Variants in NEK1 observed in about 807,000 individuals in gnomAD.
NEK1 encodes serine/threonine-protein kinase Nek1.
A neutral mutation model predicts 182.1 loss-of-function variants in NEK1; 137 were observed. That is an observed-to-expected ratio of 0.75 (90% CI 0.65 to 0.87). NEK1 has a LOEUF of 0.87. Ranked by LOEUF, NEK1 falls within the 40% of genes least tolerant of loss-of-function variation. The probability of loss-of-function intolerance (pLI) is 0.00; values close to 1 mark genes in which losing one functional copy is unlikely to be tolerated. For missense variants in NEK1, 1,391 were observed against 1,494.4 expected, an observed-to-expected ratio of 0.93 and a Z score of 1.14; for synonymous variants, 513 against 492.2, an observed-to-expected ratio of 1.04 and a Z score of -0.56.
rs1386205666 is a variant in NEK1 at position 169,394,071 on chromosome 4, T to G, written c.*439A>C. ...TTTAATGTAGAACTGCTGGCCAGAA[T>G]GAAAACAAGTACTAGACAGAAAAAA... On this transcript the variant is annotated 3_prime_UTR_variant, in exon 36 of 36. Transcript: ENST00000507142. 6.5e-6 allele frequency: 1 copy of G among 154,976 alleles called. No individual in the cohort carries two copies. The highest frequency in any genetic ancestry group is 1.4e-5 in the Non-Finnish European group (1 of 69,944). 9.6% of individuals were successfully genotyped at this position (154,976 alleles called of 1,614,324 possible).
chr4:169,438,000 T>G (rs1738739320), intron 28 of NEK1, 83 bp downstream of exon 28: 1 of 1,049,080 alleles, frequency 9.5e-7, no homozygotes. Flanking sequence ...CATATACAAA[T>G]TTTGATAATC....
At chr4:169,576,243 G>A (rs1765673758) in intron 12 of NEK1, among the ~76,000 whole-genome samples, 1 of 152,176 alleles carries the variant, frequency 6.6e-6, no homozygotes, top group South Asian at 2.1e-4. Flanking sequence ...GGGATTACAG[G>A]CGTGAACCAC....
At chr4:169,562,727 A>G (rs1422712242) in intron 12 of NEK1, among the ~76,000 whole-genome samples, 1 of 152,182 alleles carries the variant, frequency 6.6e-6, no homozygotes, top group East Asian at 1.9e-4. Flanking sequence ...ACATACATGT[A>G]ATATTAATGT....
intron 28 of NEK1, among the ~76,000 whole-genome samples, chr4:169,437,766 C>T (rs147287747): frequency 2.0e-5 from 3 of 152,306 alleles, no homozygotes; most frequent in African/African-American, 7.2e-5. Context: ...ACCAGCCTAG[C>T]TGCCGGCTGA....
At chr4:169,482,494 T>TA (rs1748242392) in intron 23 of NEK1, among the ~76,000 whole-genome samples, 1 of 151,640 alleles carries the variant, frequency 6.6e-6, no homozygotes, top group Non-Finnish European at 1.5e-5. Context: ...TTTTTTTTTT[T>TA]AGAGACAGGT....
At chr4:169,503,091 G>T (rs1216874029) in intron 23 of NEK1, among the ~76,000 whole-genome samples, 1 of 151,922 alleles carries the variant, frequency 6.6e-6, no homozygotes, top group Non-Finnish European at 1.5e-5. Context: ...TACCATTCAA[G>T]CTGAGAATGA....
intron 16 of NEK1, among the ~76,000 whole-genome samples, chr4:169,560,927 T>C (rs902574328): frequency 1.3e-5 from 2 of 151,804 alleles, no homozygotes; most frequent in African/African-American, 2.4e-5. Flanking sequence ...TGGATGGAGG[T>C]GGGACGTGAG....
At chr4:169,549,059 C>G (rs1172241061) in intron 18 of NEK1, among the ~76,000 whole-genome samples, 1 of 152,190 alleles carries the variant, frequency 6.6e-6, no homozygotes, top group Non-Finnish European at 1.5e-5. Context: ...GCCCAAACGG[C>G]AGCCCAGTTT....
Position 169,575,574 on chromosome 4 carries a change from C to T in NEK1, c.1020+1354G>A, listed in dbSNP as rs557511928. ...TTCTGCTGGTGCCTCAGCCAGCATC[C>T]CAGCTAGAGCAGCACCAGATAAGTT... On this transcript the variant is annotated intron_variant, in intron 12 of 35. Transcript: ENST00000507142. Among the ~76,000 whole-genome samples the T allele has an allele frequency of 1.2e-4, 18 of 152,296 alleles. No homozygotes were observed. In the South Asian group the frequency reaches 3.7e-3, roughly 32 times the overall value.
chr4:169,562,953 T>C (rs965149690), intron 12 of NEK1, among the ~76,000 whole-genome samples: 17 of 152,228 alleles, frequency 1.1e-4, no homozygotes, highest in African/African-American at 3.6e-4. Context: ...GGTTCATTCA[T>C]GTTATTATTT....
At chr4:169,464,477 A>G (rs1405313238) in intron 26 of NEK1, among the ~76,000 whole-genome samples, 3 of 152,112 alleles carry the variant, frequency 2.0e-5, no homozygotes. Context: ...GGGGATGCTG[A>G]ATAAACCATG....
intron 28 of NEK1, among the ~76,000 whole-genome samples, chr4:169,437,180 T>G (rs1364413786): frequency 6.6e-6 from 1 of 151,386 alleles, no homozygotes; most frequent in Non-Finnish European, 1.5e-5. Context: ...TCCCAAAGGT[T>G]GTTTCACCAT....
At chr4:169,426,314 GGA>G in intron 29 of NEK1, 80 bp from the exon 30 acceptor site, 1 of 1,109,504 alleles carries the variant, frequency 9.0e-7, no homozygotes. Context: ...TACAGGAAAT[GGA>G]ACACAAGTTC....
rs1241157169 is a variant in NEK1, at chr4:169,406,596, A to G, written c.3374T>C (p.Ile1125Thr). The G allele has an allele frequency of 6.3e-7, 1 of 1,591,054 alleles. No homozygotes were observed. Among genetic ancestry groups the G allele is most frequent in the Non-Finnish European group, 8.6e-7 (1 of 1,168,978 alleles). ...TGTTTACTAATGACATTATACTTACATGTCTTCAGAATCAGAAGGTCCTTC... is the reference window on the plus strand; with the variant it reads ...TGTTTACTAATGACATTATACTTACGTGTCTTCAGAATCAGAAGGTCCTTC... ...IKEGPSDSED[I>T]VFEETDTDLQ... Residue 1125 changes from isoleucine (I) to threonine (T), a missense_variant and splice_region_variant, in exon 32 of 36, where the codon ATT becomes ACT. This residue lies in a region of NEK1 where 1,216 missense variants were observed against 1,277.6 expected (regional missense o/e 0.95). Transcript: ENST00000507142.
intron 19 of NEK1, among the ~76,000 whole-genome samples, chr4:169,527,143 G>C (rs1397373858): frequency 6.6e-6 from 1 of 152,174 alleles, no homozygotes; most frequent in African/African-American, 2.4e-5. Flanking sequence ...GAAAACTATG[G>C]AGGATAGAAA....
intron 23 of NEK1, among the ~76,000 whole-genome samples, chr4:169,483,734 T>C (rs1748525493): frequency 6.6e-6 from 1 of 151,732 alleles, no homozygotes; most frequent in Non-Finnish European, 1.5e-5. Flanking sequence ...GGCATGGTGG[T>C]GTACACCTGT....
At chr4:169,490,098 G>A (rs1165839675) in intron 23 of NEK1, among the ~76,000 whole-genome samples, 1 of 152,130 alleles carries the variant, frequency 6.6e-6, no homozygotes, top group African/African-American at 2.4e-5. Context: ...CCTTGTCACT[G>A]AGAATCCTAA....
chr4:169,522,375 A>G (rs1756216840), intron 19 of NEK1, among the ~76,000 whole-genome samples: 1 of 152,164 alleles, frequency 6.6e-6, no homozygotes, highest in African/African-American at 2.4e-5. Flanking sequence ...ATGAATGTCA[A>G]ATCAATGTCA....
chr4:169,467,652 G>T (rs1745175875), intron 26 of NEK1, among the ~76,000 whole-genome samples: 1 of 152,098 alleles, frequency 6.6e-6, no homozygotes. Flanking sequence ...TTTACAATGG[G>T]TTTATTAGAC....
Sources: allele counts gnomAD v4.1 joint callset (sites outside exome capture counted in the v4.1 genomes callset), GRCh38; gene constraint gnomAD v4.1.1; regional missense constraint gnomAD v4.1.1; transcripts MANE v1.5; gene names NCBI Gene and HGNC (gene_info 2026-07-23, HGNC 2026-07-21).